The following CAMTA1 variants were observed in gnomAD, a reference collection of about 807,000 sequenced individuals.
CAMTA1 encodes the protein calmodulin-binding transcription activator 1.
Under a neutral mutation model 170.9 loss-of-function variants are expected in CAMTA1, and 27 were observed. The observed-to-expected ratio is 0.16, with a 90% CI of 0.12 to 0.22. The LOEUF is 0.22. CAMTA1 is among the 10% of genes least tolerant of loss of function. The pLI is 1.00. For missense variants in CAMTA1, 1,619 were observed against 2,217.2 expected, an observed-to-expected ratio of 0.73 and a Z score of 5.42; for synonymous variants, 833 against 891.5, an observed-to-expected ratio of 0.93 and a Z score of 1.17.
intron 3 of CAMTA1, among the ~76,000 whole-genome samples, chr1:6,908,098 C>T (rs1199200357): frequency 2.0e-5 from 3 of 152,206 alleles, no homozygotes; most frequent in African/African-American, 7.2e-5. Flanking sequence ...AGACAGTGCC[C>T]ACCCTGTGAC....
rs777547965 is a variant in CAMTA1 at position 7,766,568 on chromosome 1, GCAA to G, written c.*86_*88del. On this transcript the variant is annotated 3_prime_UTR_variant, in exon 23 of 23. Coordinates refer to ENST00000303635, the MANE Select transcript of CAMTA1 (RefSeq NM_015215.4). ...TCATTTCTGTTTTTAGCAGAGACAT[GCAA>G]CAACAACACACACGCACACACGCAC... 36 of 1,327,640 alleles carry G rather than the reference GCAA, an allele frequency of 2.7e-5. No individual in the cohort carries two copies. The highest frequency in any genetic ancestry group is 2.6e-4 in the African/African-American group (18 of 69,444). 82.2% of individuals were successfully genotyped at this position (1,327,640 alleles called of 1,614,324 possible).
Position 7,663,618 on chromosome 1 carries a change from C to A in CAMTA1, c.1071C>A (p.Ser357Arg). Residue 357 changes from serine to arginine, a missense_variant, in exon 9 of 23, where the codon AGC becomes AGA. Physicochemically the swap from Ser to Arg is moderately radical, Grantham distance 110. Transcript: ENST00000303635. ...NQVEVPDTTQ[S>R]SPVSISSGLN... The stretch of plus-strand genomic sequence containing the variant: ...TGGAAGTCCCCGACACCACCCAGAG[C>A]TCCCCTGTGTCCATCAGCAGCGGGC... The A allele has an allele frequency of 2.5e-6, 4 of 1,614,166 alleles. No homozygotes were observed. Among genetic ancestry groups the A allele is most frequent in the Non-Finnish European group, 3.4e-6 (4 of 1,180,042 alleles).
At position 7,455,758 on chromosome 1, in the gene CAMTA1, G is replaced by A. The variant is rs749744695; in HGVS notation, c.439-12072G>A. Among the ~76,000 whole-genome samples the A allele has an allele frequency of 5.9e-5, 9 of 152,224 alleles. No individual in the cohort carries two copies. Among genetic ancestry groups the A allele is most frequent in the South Asian group, 2.1e-4 (1 of 4,832 alleles). On this transcript the variant is annotated intron_variant, in intron 5 of 22. Transcript: ENST00000303635. The surrounding 1 kb of genome is among the most constrained non-coding windows in gnomAD (Gnocchi z 5.0). ...CAGGAATCCCGGCAGTGCCAGCCCC[G>A]CAGACGCCTGCCCACAGGAGAAGAG...
At chr1:7,116,178 A>G (rs888206650) in intron 4 of CAMTA1, among the ~76,000 whole-genome samples, 1 of 151,950 alleles carries the variant, frequency 6.6e-6, no homozygotes, top group Admixed American at 6.6e-5. Context: ...GCCTTCAACC[A>G]CCATCTCTTG....
chr1:7,392,827 TCACG>T (rs1019348105), intron 5 of CAMTA1, among the ~76,000 whole-genome samples: 2 of 151,964 alleles, frequency 1.3e-5, no homozygotes. Context: ...TGAGCCGAGA[TCACG>T]CCACTGAGCT....
chr1:7,697,446 G>A (rs954449901), intron 11 of CAMTA1, among the ~76,000 whole-genome samples: 3 of 152,178 alleles, frequency 2.0e-5, no homozygotes, highest in African/African-American at 7.2e-5. Context: ...CAGCCCAGTG[G>A]GCACTTTTTC....
intron 7 of CAMTA1, among the ~76,000 whole-genome samples, chr1:7,652,076 G>A (rs1480935089): frequency 6.6e-6 from 1 of 151,846 alleles, no homozygotes; most frequent in Non-Finnish European, 1.5e-5. Context: ...AAATGAGGAG[G>A]CCCTGTCGTG....
intron 4 of CAMTA1, among the ~76,000 whole-genome samples, chr1:7,245,712 A>G (rs1250987942): frequency 1.3e-5 from 2 of 152,110 alleles, no homozygotes; most frequent in African/African-American, 2.4e-5. Flanking sequence ...GCACGGCTGC[A>G]GTGGAGGTCT....
At chr1:6,939,070 G>A (rs1405230676) in intron 3 of CAMTA1, among the ~76,000 whole-genome samples, 1 of 152,180 alleles carries the variant, frequency 6.6e-6, no homozygotes, top group Non-Finnish European at 1.5e-5. Context: ...GAAAACTCAG[G>A]GAGTTGCCAT....
chr1:6,826,531 C>T (rs1037622282), intron 3 of CAMTA1, among the ~76,000 whole-genome samples: 10 of 152,076 alleles, frequency 6.6e-5, no homozygotes, highest in African/African-American at 1.9e-4. Context: ...TTTAATAAGT[C>T]GGAACTTGAT....
In CAMTA1 at chr1:7,588,677, G is replaced by C. The variant is rs773680857; in HGVS notation, c.511-51723G>C. 6.6e-6 allele frequency among the ~76,000 whole-genome samples: 1 copy of C among 152,210 alleles called. No individual in the cohort carries two copies. On this transcript the variant is annotated intron_variant, in intron 6 of 22. Transcript: ENST00000303635. The surrounding 1 kb of genome is among the most constrained non-coding windows in gnomAD (Gnocchi z 5.8). ...AGGGCAACCCCAGGGCCACGACTGG[G>C]CTCCTGGCAGCACGGCCAGATGGAC... is the stretch of plus-strand genomic sequence containing the variant.
chr1:7,151,779 A>G (rs1053638189), intron 4 of CAMTA1, among the ~76,000 whole-genome samples: 3 of 152,158 alleles, frequency 2.0e-5, no homozygotes, highest in Non-Finnish European at 4.4e-5. Flanking sequence ...CCTCCTTCCC[A>G]GGAAGTTTCC....
intron 3 of CAMTA1, among the ~76,000 whole-genome samples, chr1:6,961,476 G>A (rs1439614924): frequency 6.6e-6 from 1 of 152,124 alleles, no homozygotes; most frequent in South Asian, 2.1e-4. Context: ...GCTGCCTGCC[G>A]ACCACCATGC....
At chr1:7,285,184 CT>C (rs1300046938) in intron 5 of CAMTA1, among the ~76,000 whole-genome samples, 4 of 152,216 alleles carry the variant, frequency 2.6e-5, no homozygotes, top group African/African-American at 9.6e-5. Context: ...ACCCCTGCCC[CT>C]ATCACCACTG....
At chr1:7,017,097 C>T (rs1055701765) in intron 3 of CAMTA1, among the ~76,000 whole-genome samples, 5 of 152,284 alleles carry the variant, frequency 3.3e-5, no homozygotes, top group Admixed American at 6.5e-5. Context: ...AAGAGGAATA[C>T]TGTGGTCCTG....
intron 10 of CAMTA1, 32 bp downstream of exon 10, chr1:7,671,069 G>A: frequency 6.2e-7 from 1 of 1,610,002 alleles, no homozygotes; most frequent in Non-Finnish European, 8.5e-7. Context: ...CCCCCAAGGT[G>A]AGTGTGATGG....
chr1:6,948,572 G>A (rs1279032333), intron 3 of CAMTA1, among the ~76,000 whole-genome samples: 1 of 152,130 alleles, frequency 6.6e-6, no homozygotes, highest in Admixed American at 6.5e-5. Flanking sequence ...TGACTTTCCT[G>A]GCCTTTGGGA....
At chr1:7,741,356 G>A (rs2096813136) in intron 16 of CAMTA1, among the ~76,000 whole-genome samples, 1 of 152,100 alleles carries the variant, frequency 6.6e-6, no homozygotes, top group African/African-American at 2.4e-5. Flanking sequence ...GAGGTCAGGA[G>A]ATCAAGACCA....
intron 6 of CAMTA1, among the ~76,000 whole-genome samples, chr1:7,628,930 C>T (rs957235658): frequency 1.3e-5 from 2 of 152,186 alleles, no homozygotes; most frequent in African/African-American, 4.8e-5. Flanking sequence ...CCCTCTGAGA[C>T]CTGATTGCCC....
Sources: gnomAD v4.1 joint callset for allele counts (sites outside exome capture counted in the v4.1 genomes callset) on GRCh38, gnomAD v4.1.1 for gene constraint, Gnocchi (gnomAD v3.1) non-coding constraint, MANE v1.5 for transcripts, NCBI Gene and HGNC (gene_info 2026-07-23, HGNC 2026-07-21) for gene names.